Variants in TRPC4 observed in about 807,000 individuals in gnomAD.
TRPC4 encodes transient receptor potential cation channel subfamily C member 4, also known as short transient receptor potential channel 4.
Under a neutral mutation model 99.4 loss-of-function variants are expected in TRPC4, and 49 were observed. The ratio of observed to expected loss-of-function variants is 0.49; its 90% CI spans 0.39 to 0.63. The LOEUF (loss-of-function observed/expected upper bound fraction) is 0.63. Ranked by LOEUF, TRPC4 falls within the 20% of genes least tolerant of loss-of-function variation. The pLI is 0.00. For missense variants in TRPC4, 898 were observed against 1,152.9 expected (o/e 0.78, Z 3.20); for synonymous variants, 454 against 425.9 (o/e 1.07, Z -0.81).
chr13:37,643,574 T>C (rs1435193390), intron 8 of TRPC4, among the ~76,000 whole-genome samples: 1 of 152,176 alleles, frequency 6.6e-6, no homozygotes, highest in Non-Finnish European at 1.5e-5. Context: ...TGGAGTAGGA[T>C]GAGCAAATAT....
intron 3 of TRPC4, among the ~76,000 whole-genome samples, chr13:37,693,370 A>G (rs917151248): frequency 2.6e-5 from 4 of 152,152 alleles, no homozygotes; most frequent in Non-Finnish European, 4.4e-5. Flanking sequence ...GTACAGTGGG[A>G]TTAAACGATG....
intron 2 of TRPC4, among the ~76,000 whole-genome samples, chr13:37,774,684 G>C (rs1050314250): frequency 6.6e-6 from 1 of 151,520 alleles, no homozygotes; most frequent in Non-Finnish European, 1.5e-5. Flanking sequence ...TTCCCAGTGT[G>C]TGTCGTTCTA....
rs1262469554 is a variant in TRPC4 at position 37,637,315 on chromosome 13, T to C, written c.2522A>G (p.Asp841Gly). The stretch of plus-strand genomic sequence containing the variant: ...ATGAAATAACCCAAAGTTTTTGATA[T>C]CGGTCACAAAATTCACTTTTCTCTG... ...EKQRKVNFVT[D>G]IKNFGLFHRR... Residue 841 changes from aspartate to glycine, a missense_variant, in exon 11 of 11, where the codon GAT becomes GGT. Asp to Gly is a moderately conservative substitution (Grantham distance 94, BLOSUM62 -1). Around this residue, in one of 3 missense-constraint regions of TRPC4, gnomAD observed 346 missense variants for 351.4 expected, o/e 0.98. Transcript: ENST00000379705. The C allele has an allele frequency of 6.2e-7, 1 of 1,613,752 alleles. No individual in the cohort carries two copies. Among genetic ancestry groups the C allele is most frequent in the African/African-American group, 1.3e-5 (1 of 74,884 alleles).
intron 2 of TRPC4, among the ~76,000 whole-genome samples, chr13:37,757,703 G>T (rs772502071): frequency 4.0e-5 from 6 of 151,740 alleles, no homozygotes; most frequent in Non-Finnish European, 5.9e-5. Context: ...TCTGGGGAAA[G>T]ATCCAGAAGA....
chr13:37,709,121 C>T (rs1800677786), intron 3 of TRPC4, among the ~76,000 whole-genome samples: 1 of 151,886 alleles, frequency 6.6e-6, no homozygotes, highest in Admixed American at 6.6e-5. Context: ...TGGGGATGAA[C>T]TTGAGGAGTC....
At chr13:37,743,209 T>TA (rs963087188) in intron 3 of TRPC4, among the ~76,000 whole-genome samples, 7 of 152,262 alleles carry the variant, frequency 4.6e-5, no homozygotes, top group African/African-American at 1.7e-4. Context: ...AAGTGTCTTT[T>TA]AAAAAATAGC....
At chr13:37,637,659 G>T in intron 10 of TRPC4, 34 bp from the exon 11 acceptor site, 1 of 1,533,202 alleles carries the variant, frequency 6.5e-7, no homozygotes, top group South Asian at 1.3e-5. Context: ...ATTCGGTTAT[G>T]ACTTAAACAT....
chr13:37,808,385 C>T lies in TRPC4; in HGVS notation c.-27-25025G>A, dbSNP rs117585959. Reference sequence around the variant, plus strand: ...GCTAATGTAGAAAAAAGAGGGGTATCCCACGTTAATGATTAAGTAATTCTG... The same window carrying T: ...GCTAATGTAGAAAAAAGAGGGGTATTCCACGTTAATGATTAAGTAATTCTG... On this transcript the variant is annotated intron_variant, in intron 1 of 10. Coordinates refer to ENST00000379705, the MANE Select transcript of TRPC4 (RefSeq NM_016179.4). 6.8e-3 allele frequency among the ~76,000 whole-genome samples: 1,034 copies of T among 152,032 alleles called. 8 individuals are homozygous for T. The highest frequency in any genetic ancestry group is 0.027 in the East Asian group (140 of 5,160).
chr13:37,719,531 G>A (rs1352734601), intron 3 of TRPC4, among the ~76,000 whole-genome samples: 2 of 151,916 alleles, frequency 1.3e-5, no homozygotes, highest in Non-Finnish European at 2.9e-5. Flanking sequence ...AAGGCAAATA[G>A]GTATATAAAA....
intron 2 of TRPC4, among the ~76,000 whole-genome samples, chr13:37,772,164 C>A (rs1956567715): frequency 6.6e-6 from 1 of 151,752 alleles, no homozygotes; most frequent in South Asian, 2.1e-4. Flanking sequence ...ATTCTCTTCA[C>A]TTCCCAAATC....
chr13:37,805,789 GA>G (rs1224349708), intron 1 of TRPC4, among the ~76,000 whole-genome samples: 2 of 151,938 alleles, frequency 1.3e-5, no homozygotes, highest in African/African-American at 4.8e-5. Context: ...AATATTAACT[GA>G]TCTAATGTCA....
At chr13:37,827,519 G>A (rs926769778) in intron 1 of TRPC4, among the ~76,000 whole-genome samples, 10 of 152,076 alleles carry the variant, frequency 6.6e-5, no homozygotes, top group Non-Finnish European at 1.3e-4. Flanking sequence ...AGGTCTGTTG[G>A]AGTACCCTGC....
intron 3 of TRPC4, among the ~76,000 whole-genome samples, chr13:37,710,447 T>A (rs1389564870): frequency 6.6e-6 from 1 of 151,902 alleles, no homozygotes; most frequent in Non-Finnish European, 1.5e-5. Context: ...ATTTTTCAGA[T>A]TTTAAGAGGG....
At chr13:37,681,338 G>A (rs1452447705) in intron 4 of TRPC4, among the ~76,000 whole-genome samples, 1 of 152,066 alleles carries the variant, frequency 6.6e-6, no homozygotes, top group Non-Finnish European at 1.5e-5. Flanking sequence ...ACAAATGTGT[G>A]GGAAAAACAG....
chr13:37,699,623 C>T (rs966844741), intron 3 of TRPC4, among the ~76,000 whole-genome samples: 1 of 152,126 alleles, frequency 6.6e-6, no homozygotes, highest in Non-Finnish European at 1.5e-5. Flanking sequence ...GACTCTCTTG[C>T]CCAACAAGTG....
intron 1 of TRPC4, among the ~76,000 whole-genome samples, chr13:37,788,800 A>G (rs1957034616): frequency 6.6e-6 from 1 of 152,120 alleles, no homozygotes; most frequent in African/African-American, 2.4e-5. Flanking sequence ...GCCAGACCAC[A>G]CATCTCCCTT....
intron 8 of TRPC4, among the ~76,000 whole-genome samples, chr13:37,649,406 C>T (rs987793248): frequency 6.6e-6 from 1 of 152,010 alleles, no homozygotes; most frequent in East Asian, 1.9e-4. Flanking sequence ...AGTTCAGTTA[C>T]GGCAAGGGGG....
At chr13:37,809,739 T>A (rs528112831) in intron 1 of TRPC4, among the ~76,000 whole-genome samples, 1 of 152,172 alleles carries the variant, frequency 6.6e-6, no homozygotes, top group East Asian at 1.9e-4. Context: ...GGCTCCAAAC[T>A]CATGAATAAA....
chr13:37,719,145 G>A (rs1165612924), intron 3 of TRPC4, among the ~76,000 whole-genome samples: 17 of 152,004 alleles, frequency 1.1e-4, no homozygotes, highest in African/African-American at 4.8e-5. Context: ...TGCTGACTAC[G>A]AAAGACAAAA....
Sources: gnomAD v4.1 joint callset for allele counts (sites outside exome capture counted in the v4.1 genomes callset) on GRCh38, gnomAD v4.1.1 for gene constraint, gnomAD v4.1.1 regional missense constraint, MANE v1.5 for transcripts, NCBI Gene and HGNC (gene_info 2026-07-23, HGNC 2026-07-21) for gene names.